Variants in ITGA5 observed in about 807,000 individuals in gnomAD.
ITGA5 encodes the protein integrin subunit alpha 5.
Under a neutral mutation model 146.3 loss-of-function variants are expected in ITGA5, and 55 were observed. The ratio of observed to expected loss-of-function variants is 0.38; its 90% confidence interval spans 0.30 to 0.47. The LOEUF is 0.47. ITGA5 is among the 20% of genes least tolerant of loss of function. The pLI, the probability that ITGA5 is intolerant of heterozygous loss-of-function variation, is 0.99. For synonymous variants in ITGA5, 500 were observed against 531.8 expected (o/e 0.94, Z 0.82); for missense variants, 1,131 against 1,329.0 (o/e 0.85, Z 2.32).
chr12:54,404,648 A>AG, intron 13 of ITGA5, 55 bp downstream of exon 13: 2 of 1,527,054 alleles, frequency 1.3e-6, no homozygotes, highest in East Asian at 2.2e-5. Flanking sequence ...AAGAGAGAGT[A>AG]GGGGTCAGTG....
At chr12:54,408,272 A>G (rs779540886) in intron 6 of ITGA5, 37 bp from the exon 7 acceptor site, 3 of 1,610,660 alleles carry the variant, frequency 1.9e-6, no homozygotes, top group Non-Finnish European at 2.5e-6. Context: ...ATGGAGAGGA[A>G]GTGGCAGAGG....
At chr12:54,415,310 G>A (rs1955993186) in intron 1 of ITGA5, among the ~76,000 whole-genome samples, 1 of 152,186 alleles carries the variant, frequency 6.6e-6, no homozygotes, top group South Asian at 2.1e-4. Flanking sequence ...GGTCCTTGGA[G>A]ACACAGACTA....
chr12:54,409,383 A>C lies in ITGA5; in HGVS notation c.463-31T>G. 1 of 1,609,310 alleles carries C rather than the reference A, an allele frequency of 6.2e-7. No homozygotes were observed. The highest frequency in any genetic ancestry group is 8.5e-7 in the Non-Finnish European group (1 of 1,177,902). On this transcript the variant is annotated intron_variant, in intron 3 of 29. Transcript: ENST00000293379. This position sits in a 1 kb window ranked among gnomAD's most constrained non-coding sequence, Gnocchi z 4.7. ...AGGGCCCAGGAGGAGGGGCCTTCAGATTCAGTCCAATAAGGCCCTTCCTCC... is the reference window on the plus strand; with the variant it reads ...AGGGCCCAGGAGGAGGGGCCTTCAGCTTCAGTCCAATAAGGCCCTTCCTCC...
At chr12:54,414,362 C>T (rs963082173) in intron 1 of ITGA5, among the ~76,000 whole-genome samples, 1 of 152,224 alleles carries the variant, frequency 6.6e-6, no homozygotes, top group African/African-American at 2.4e-5. Flanking sequence ...ATGGAGGGTC[C>T]GTGTGCTATT....
Position 54,403,386 on chromosome 12 carries a change from C to A in ITGA5, c.1777-62G>T. 2 of 1,469,960 alleles carry A rather than the reference C, an allele frequency of 1.4e-6. No individual in the cohort carries two copies. The highest frequency in any genetic ancestry group is 1.8e-6 in the Non-Finnish European group (2 of 1,100,420). The allele number at this position is 1,469,960 out of a possible 1,614,324, so 91.1% of individuals were successfully genotyped here. On this transcript the variant is annotated intron_variant, in intron 17 of 29. Transcript: ENST00000293379. The surrounding 1 kb of genome is among the most constrained non-coding windows in gnomAD (Gnocchi z 4.9). Reference sequence around the variant, plus strand: ...CTCTGGAGACTTAGTGGCCCTGCTCCTCAGCCTCTCTCATCTCCCTTTGTC... The same window carrying A: ...CTCTGGAGACTTAGTGGCCCTGCTCATCAGCCTCTCTCATCTCCCTTTGTC...
chr12:54,397,262 C>T, intron 29 of ITGA5, 103 bp downstream of exon 29: 2 of 1,313,806 alleles, frequency 1.5e-6, no homozygotes, highest in Middle Eastern at 1.9e-4. Context: ...GGTGGGGGCA[C>T]ATGGCTGGTG....
At chr12:54,407,811 C>T in intron 8 of ITGA5, 21 bp downstream of exon 8, 10 of 1,608,932 alleles carry the variant, frequency 6.2e-6, no homozygotes, top group Non-Finnish European at 8.5e-6. Context: ...TCCCTTGGCC[C>T]CAGCCTGGGG....
intron 1 of ITGA5, among the ~76,000 whole-genome samples, chr12:54,417,859 G>A (rs943098592): frequency 3.9e-5 from 6 of 152,102 alleles, no homozygotes; most frequent in Non-Finnish European, 8.8e-5. Flanking sequence ...TACCTCTCTT[G>A]CTTCCCAATC....
chr12:54,398,659 A>G lies in ITGA5; in HGVS notation c.2881T>C (p.Tyr961His). 1 of 1,607,584 alleles carries G rather than the reference A, an allele frequency of 6.2e-7. No homozygotes were observed. The highest frequency in any genetic ancestry group is 1.1e-5 in the South Asian group (1 of 89,640). Residue 961 changes from tyrosine (Y) to histidine (H), a missense_variant, in exon 28 of 30, where the codon TAC becomes CAC. This residue lies in a region of ITGA5 where 889 missense variants were observed against 1,021.5 expected (regional missense o/e 0.87). Transcript: ENST00000293379. The stretch of plus-strand genomic sequence containing the variant: ...CGGTAGGGCATCTTCAGGGCTTTGT[A>G]CACAGCCTCACACTGCAGGCTAAAT... Reference protein sequence around the residue: ...QPFSLQCEAVYKALKMPYRIL... With the variant: ...QPFSLQCEAVHKALKMPYRIL...
At chr12:54,397,911 T>C (rs1425159057) in intron 28 of ITGA5, among the ~76,000 whole-genome samples, 1 of 152,040 alleles carries the variant, frequency 6.6e-6, no homozygotes, top group Admixed American at 6.6e-5. Flanking sequence ...CATTTTTTTT[T>C]TTTTTTGACA....
At chr12:54,400,741 C>T in intron 25 of ITGA5, 105 bp downstream of exon 25, 1 of 1,156,168 alleles carries the variant, frequency 8.6e-7, no homozygotes, top group Non-Finnish European at 1.2e-6. Flanking sequence ...TAGCTATAGG[C>T]ACATCCTCAT....
chr12:54,400,886 T>C lies in ITGA5; in HGVS notation c.2603A>G (p.Asn868Ser), dbSNP rs756867133. 7.4e-6 allele frequency: 12 copies of C among 1,614,014 alleles called. No homozygotes were observed. Among genetic ancestry groups the C allele is most frequent in the Non-Finnish European group, 8.5e-6 (10 of 1,180,028 alleles). Residue 868 changes from asparagine to serine, a missense_variant, in exon 25 of 30, where the codon AAC becomes AGC. Transcript: ENST00000293379. ...LLYVTRVTGL[N>S]CTTNHPINPK... ...GTTAATGGGGTGATTGGTGGTGCAG[T>C]TGAGTCCCGTAACTCTGGTCACATA... is the stretch of plus-strand genomic sequence containing the variant.
rs891311982 is a variant in ITGA5 at position 54,408,199 on chromosome 12, T to C, written c.728A>G (p.Glu243Gly). 2 of 1,613,960 alleles carry C rather than the reference T, an allele frequency of 1.2e-6. No homozygotes were observed. Among genetic ancestry groups the C allele is most frequent in the African/African-American group, 1.3e-5 (1 of 74,886 alleles). ...GATCAGGTACTCGGGGTAATAAGAT[T>C]CTGCAATCTGCTCCTGAGTGGCAGA... ...ILSATQEQIAESYYPEYLINL... is the reference protein window; with the variant it reads ...ILSATQEQIAGSYYPEYLINL... The change falls in exon 7 of 30, where the codon GAA becomes GGA. Residue 243 changes from glutamate (E) to glycine (G), a missense_variant. Around this residue, in one of 3 missense-constraint regions of ITGA5, gnomAD observed 889 missense variants for 1,021.5 expected, o/e 0.87. Transcript: ENST00000293379.
In ITGA5 at chr12:54,401,982, T is replaced by C. The variant is rs747227611; in HGVS notation, c.2226+19A>G. The C allele has an allele frequency of 3.7e-6, 6 of 1,613,194 alleles. 1 individual carries two copies. The South Asian group carries it at 5.5e-5, about 15-fold the overall frequency. ...GGTCTGCTCTCCCTCTGTCCCATCC[T>C]CTTTCATCCCAAACTTACACTGGCT... On this transcript the variant is annotated intron_variant, in intron 21 of 29. Coordinates refer to ENST00000293379, the MANE Select transcript of ITGA5 (RefSeq NM_002205.5). This position sits in a 1 kb window ranked among gnomAD's most constrained non-coding sequence, Gnocchi z 5.0.
chr12:54,417,829 C>T (rs961898322), intron 1 of ITGA5, among the ~76,000 whole-genome samples: 4 of 152,228 alleles, frequency 2.6e-5, no homozygotes, highest in African/African-American at 9.6e-5. Flanking sequence ...CATCTATGGC[C>T]TAGCCCAGGA....
rs1379169388 is a variant in ITGA5 at position 54,403,407 on chromosome 12, T to TTGTC, written c.1777-87_1777-84dup. The TTGTC allele has an allele frequency of 2.1e-6, 3 of 1,444,658 alleles. No individual in the cohort carries two copies. The highest frequency in any genetic ancestry group is 2.8e-6 in the Non-Finnish European group (3 of 1,077,472). 89.5% of individuals were successfully genotyped at this position (1,444,658 alleles called of 1,614,324 possible). ...GCTCCTCAGCCTCTCTCATCTCCCT[T>TTGTC]TGTCTGCTTAGGGCCCAATTCCGAC... On this transcript the variant is annotated intron_variant, in intron 17 of 29. Coordinates refer to ENST00000293379, the MANE Select transcript of ITGA5 (RefSeq NM_002205.5). The surrounding 1 kb of genome is among the most constrained non-coding windows in gnomAD (Gnocchi z 4.9).
rs1955698222 is a variant in ITGA5 at position 54,395,693 on chromosome 12, T to G, written c.*600A>C. ...GATCTGGCCCCATTTGAGTTCTGAT[T>G]CCCCTTGGAGCTGGGCTCTGGGCCC... On this transcript the variant is annotated 3_prime_UTR_variant, in exon 30 of 30. Transcript: ENST00000293379. 6.5e-6 allele frequency: 1 copy of G among 152,732 alleles called. No individual in the cohort carries two copies. Among genetic ancestry groups the G allele is most frequent in the African/African-American group, 2.4e-5 (1 of 41,314 alleles). 9.5% of individuals were successfully genotyped at this position (152,732 alleles called of 1,614,324 possible).
chr12:54,402,358 A>C (rs913169145), intron 19 of ITGA5, 28 bp from the exon 20 acceptor site: 2 of 1,582,366 alleles, frequency 1.3e-6, no homozygotes, highest in African/African-American at 2.7e-5. Flanking sequence ...GGTAAGGGAC[A>C]TTGGTGAATT....
At chr12:54,402,432 C>G (rs1017633516) in intron 19 of ITGA5, 102 bp from the exon 20 acceptor site, 1 of 1,113,996 alleles carries the variant, frequency 9.0e-7, no homozygotes, top group Admixed American at 2.2e-5. Flanking sequence ...TGTGGTGGCT[C>G]ACACCTGTAA....
Sources: gnomAD v4.1 joint callset for allele counts (sites outside exome capture counted in the v4.1 genomes callset) on GRCh38, gnomAD v4.1.1 for gene constraint, gnomAD v4.1.1 regional missense constraint, Gnocchi (gnomAD v3.1) non-coding constraint, MANE v1.5 for transcripts, NCBI Gene and HGNC (gene_info 2026-07-23, HGNC 2026-07-21) for gene names.